PRKG1: variants seen among roughly 807,000 people sequenced by gnomAD.
The protein encoded by PRKG1 is protein kinase cGMP-dependent 1, also known as cGMP-dependent protein kinase 1.
A neutral mutation model predicts 88.1 loss-of-function variants in PRKG1; 35 were observed. The observed-to-expected ratio is 0.40, with a 90% CI of 0.30 to 0.53. PRKG1 has a LOEUF of 0.53. PRKG1 is among the 20% of genes least tolerant of loss of function. The pLI is 0.59. For missense variants in PRKG1, 540 were observed against 839.8 expected, an observed-to-expected ratio of 0.64 and a Z score of 4.41; for synonymous variants, 303 against 292.5, an observed-to-expected ratio of 1.04 and a Z score of -0.37.
intron 2 of PRKG1, among the ~76,000 whole-genome samples, chr10:51,394,291 G>A (rs965214908): frequency 1.3e-4 from 20 of 152,286 alleles, no homozygotes; most frequent in African/African-American, 4.3e-4. Context: ...CTGTGAGCTG[G>A]GAGCTCAGCT....
intron 9 of PRKG1, among the ~76,000 whole-genome samples, chr10:52,172,566 T>C (rs1838732759): frequency 6.6e-6 from 1 of 152,160 alleles, no homozygotes; most frequent in African/African-American, 2.4e-5. Context: ...CAGAAAAGAA[T>C]AATACCTTTT....
chr10:52,248,392 T>A (rs550026174), intron 9 of PRKG1, among the ~76,000 whole-genome samples: 3 of 152,210 alleles, frequency 2.0e-5, no homozygotes, highest in South Asian at 2.1e-4. Context: ...GTTACTTTTC[T>A]ATATTATTTG....
intron 2 of PRKG1, among the ~76,000 whole-genome samples, chr10:51,234,831 A>AC (rs1838940886): frequency 6.6e-6 from 1 of 152,194 alleles, no homozygotes; most frequent in African/African-American, 2.4e-5. Context: ...CCGAAAACAA[A>AC]CAACACAGTA....
At chr10:51,380,137 C>T (rs1163988328) in intron 2 of PRKG1, among the ~76,000 whole-genome samples, 1 of 152,144 alleles carries the variant, frequency 6.6e-6, no homozygotes, top group Non-Finnish European at 1.5e-5. Flanking sequence ...TATTCCCTTT[C>T]CCTGCCTTAT....
At chr10:51,170,149 C>T (rs574462482) in intron 2 of PRKG1, among the ~76,000 whole-genome samples, 12 of 152,058 alleles carry the variant, frequency 7.9e-5, no homozygotes, top group South Asian at 4.2e-4. Flanking sequence ...TTGTTCATTT[C>T]GTTTCTCCAA....
intron 3 of PRKG1, among the ~76,000 whole-genome samples, chr10:51,556,957 T>C (rs1837328956): frequency 6.8e-6 from 1 of 147,920 alleles, no homozygotes; most frequent in Non-Finnish European, 1.5e-5. Context: ...TTTCATGGAA[T>C]TTAAATCTGT....
At chr10:51,120,530 G>C (rs909949610) in intron 1 of PRKG1, among the ~76,000 whole-genome samples, 6 of 152,026 alleles carry the variant, frequency 3.9e-5, no homozygotes, top group African/African-American at 1.2e-4. Flanking sequence ...TTTGAACAAA[G>C]CTGAAAAGTT....
chr10:52,131,295 T>G (rs1462260242), intron 7 of PRKG1, among the ~76,000 whole-genome samples: 1 of 152,044 alleles, frequency 6.6e-6, no homozygotes, highest in African/African-American at 2.4e-5. Context: ...ATTAAACAAA[T>G]GACTACATAA....
At chr10:51,605,387 T>C (rs1224512487) in intron 3 of PRKG1, among the ~76,000 whole-genome samples, 2 of 152,176 alleles carry the variant, frequency 1.3e-5, no homozygotes, top group African/African-American at 2.4e-5. Flanking sequence ...TACCTAGCAC[T>C]TCCCTGCCCC....
chr10:51,044,656 AG>A (rs1843465089), intron 1 of PRKG1, among the ~76,000 whole-genome samples: 1 of 151,886 alleles, frequency 6.6e-6, no homozygotes, highest in African/African-American at 2.4e-5. Context: ...CTCCTTTGAG[AG>A]GCAAGGCAGG....
chr10:51,377,263 T>C (rs1205650400), intron 2 of PRKG1, among the ~76,000 whole-genome samples: 1 of 152,210 alleles, frequency 6.6e-6, no homozygotes, highest in Non-Finnish European at 1.5e-5. Context: ...CAGTGTGACC[T>C]TGGGCAGAGT....
intron 9 of PRKG1, among the ~76,000 whole-genome samples, chr10:52,234,092 C>T (rs1022534980): frequency 8.9e-4 from 135 of 152,158 alleles, no homozygotes; most frequent in Middle Eastern, 3.4e-3. Context: ...AACAGACCTG[C>T]AGCTGAGGGT....
chr10:51,043,996 C>T (rs1843457070), intron 1 of PRKG1, among the ~76,000 whole-genome samples: 1 of 152,112 alleles, frequency 6.6e-6, no homozygotes, highest in African/African-American at 2.4e-5. Flanking sequence ...CTCATTGAAT[C>T]CTCATGATAA....
intron 1 of PRKG1, among the ~76,000 whole-genome samples, chr10:51,010,013 A>G (rs1315427560): frequency 6.6e-6 from 1 of 152,204 alleles, no homozygotes; most frequent in African/African-American, 2.4e-5. Flanking sequence ...TTCATTTTAT[A>G]GAAACTTTAC....
chr10:51,626,492 T>A lies in PRKG1; in HGVS notation c.592+158656T>A, dbSNP rs575134841. 7.1e-4 allele frequency among the ~76,000 whole-genome samples: 108 copies of A among 152,290 alleles called. 2 individuals are homozygous for A. The South Asian group carries it at 0.021, about 30-fold the overall frequency. On this transcript the variant is annotated intron_variant, in intron 3 of 17. Transcript: ENST00000373980. ...AATCGTTGAAAGTTATTTTTTGAAA[T>A]CCTAGGGGGAATTTTTCTCCTTAAA...
intron 5 of PRKG1, among the ~76,000 whole-genome samples, chr10:51,990,133 C>T (rs1844265843): frequency 6.6e-6 from 1 of 152,044 alleles, no homozygotes; most frequent in Non-Finnish European, 1.5e-5. Flanking sequence ...AATCAATTTG[C>T]CCTAAATGCA....
At chr10:51,246,392 G>C (rs1275531457) in intron 2 of PRKG1, among the ~76,000 whole-genome samples, 1 of 152,028 alleles carries the variant, frequency 6.6e-6, no homozygotes, top group Non-Finnish European at 1.5e-5. Flanking sequence ...CACAAACTCT[G>C]GCCCAAATCC....
intron 9 of PRKG1, among the ~76,000 whole-genome samples, chr10:52,188,329 C>CATATGTATATATAT (rs1839274115): frequency 7.1e-6 from 1 of 140,106 alleles, no homozygotes; most frequent in African/African-American, 2.7e-5. Flanking sequence ...TATATATATA[C>CATATGTATATATAT]ACATATATAT....
At chr10:51,163,905 G>A (rs1846445895) in intron 2 of PRKG1, among the ~76,000 whole-genome samples, 1 of 152,212 alleles carries the variant, frequency 6.6e-6, no homozygotes, top group African/African-American at 2.4e-5. Context: ...GCTGGAACTG[G>A]GTGGAGCCCA....
Sources: gnomAD v4.1 joint callset for allele counts (sites outside exome capture counted in the v4.1 genomes callset) on GRCh38, gnomAD v4.1.1 for gene constraint, MANE v1.5 for transcripts, NCBI Gene and HGNC (gene_info 2026-07-23, HGNC 2026-07-21) for gene names.